AP3D1: variants seen among roughly 807,000 people sequenced by gnomAD.
AP3D1 encodes the protein adaptor related protein complex 3 subunit delta 1.
In AP3D1, 51 loss-of-function variants were observed where a neutral mutation model predicts 147.6. That is an observed-to-expected ratio of 0.35 (90% CI 0.28 to 0.44). The LOEUF (loss-of-function observed/expected upper bound fraction) is 0.44. AP3D1 is among the 20% of genes least tolerant of loss of function. The pLI, the probability that AP3D1 is intolerant of heterozygous loss-of-function variation, is 1.00. For missense variants in AP3D1, 1,421 were observed against 1,624.2 expected (o/e 0.87, Z 2.15); for synonymous variants, 760 against 663.0 (o/e 1.15, Z -2.25).
chr19:2,136,943 G>A (rs2145134903), intron 4 of AP3D1, 68 bp downstream of exon 4: 2 of 1,440,532 alleles, frequency 1.4e-6, no homozygotes, highest in East Asian at 2.5e-5. Flanking sequence ...GACGCGTGTG[G>A]GAACCAGACG....
intron 1 of AP3D1, among the ~76,000 whole-genome samples, chr19:2,143,725 C>G (rs570431802): frequency 6.6e-6 from 1 of 152,054 alleles, no homozygotes; most frequent in East Asian, 1.9e-4. Context: ...CGCGATCGCA[C>G]CACTGCACTC....
intron 11 of AP3D1, 54 bp from the exon 12 acceptor site, chr19:2,121,933 C>G (rs952526492): frequency 1.3e-6 from 2 of 1,548,618 alleles, no homozygotes; most frequent in Non-Finnish European, 8.7e-7. Context: ...CAGCAGGGTG[C>G]AGGCAGGGCC....
intron 8 of AP3D1, among the ~76,000 whole-genome samples, chr19:2,128,633 C>A (rs28427555): frequency 1.5e-4 from 2 of 13,498 alleles, no homozygotes; most frequent in African/African-American, 4.2e-4. Context: ...CCGCCCCCGC[C>A]GCTCCGACAC....
intron 24 of AP3D1, 169 bp from the exon 25 acceptor site, chr19:2,111,997 AC>A: frequency 9.0e-7 from 1 of 1,106,424 alleles, no homozygotes; most frequent in Non-Finnish European, 1.3e-6. Context: ...CTCAGGCCAG[AC>A]CAGGCCCAGC....
At chr19:2,138,043 C>G (rs1430769391) in intron 2 of AP3D1, among the ~76,000 whole-genome samples, 1 of 152,214 alleles carries the variant, frequency 6.6e-6, no homozygotes, top group African/African-American at 2.4e-5. Context: ...GACTCAATGT[C>G]TGCAATTGGT....
chr19:2,111,601 G>C (rs2018278664), intron 25 of AP3D1, 78 bp downstream of exon 25: 15 of 1,474,858 alleles, frequency 1.0e-5, no homozygotes, highest in Non-Finnish European at 1.3e-5. Flanking sequence ...CTCCCGCATG[G>C]AGGCTGCAGG....
rs778467175 is a variant in AP3D1, at chr19:2,108,778, C to T, written c.3473-12G>A. On this transcript the variant is annotated splice_polypyrimidine_tract_variant and intron_variant, in intron 30 of 31. Transcript: ENST00000643116. ...CACTCGCTCCACAACTGCAACAGAG[C>T]GGGCAGTGTTAGGCTTCCCGGACAT... 70 of 1,559,736 alleles carry T rather than the reference C, an allele frequency of 4.5e-5. No individual in the cohort carries two copies. In the African/African-American group the frequency reaches 4.5e-4, roughly 10 times the overall value.
upstream of AP3D1, among the ~76,000 whole-genome samples, chr19:2,154,853 T>C (rs1442346962): frequency 6.6e-6 from 1 of 152,258 alleles, no homozygotes; most frequent in South Asian, 2.1e-4. Context: ...TTTATGATTG[T>C]GAGTCATGTC....
At chr19:2,117,131 T>A in intron 16 of AP3D1, 91 bp downstream of exon 16, 1 of 1,461,190 alleles carries the variant, frequency 6.8e-7, no homozygotes, top group Non-Finnish European at 9.1e-7. Flanking sequence ...CTCCTGGCTG[T>A]TCAGGGGTGC....
chr19:2,114,350 C>G (rs770131200), intron 21 of AP3D1, 48 bp from the exon 22 acceptor site: 24 of 1,500,456 alleles, frequency 1.6e-5, no homozygotes, highest in Non-Finnish European at 1.8e-5. Flanking sequence ...TGGCCACCCC[C>G]CAGGACCACT....
intron 8 of AP3D1, among the ~76,000 whole-genome samples, chr19:2,127,469 C>T (rs980051896): frequency 2.0e-5 from 3 of 151,782 alleles, no homozygotes; most frequent in Non-Finnish European, 4.4e-5. Context: ...CCCCCGGCGG[C>T]CTGTGAGATG....
intron 1 of AP3D1, among the ~76,000 whole-genome samples, chr19:2,156,576 C>A (rs1322620638): frequency 2.6e-5 from 4 of 151,750 alleles, no homozygotes; most frequent in Non-Finnish European, 4.4e-5. Flanking sequence ...CAGGGCAGGG[C>A]GCGGTGGCTC....
intron 14 of AP3D1, among the ~76,000 whole-genome samples, chr19:2,119,962 A>T (rs1046646367): frequency 2.0e-5 from 3 of 152,102 alleles, no homozygotes; most frequent in African/African-American, 7.2e-5. Flanking sequence ...GGGCGAGGGG[A>T]AAAAAAGAAA....
Position 2,109,880 on chromosome 19 carries a change from A to G in AP3D1, c.3343T>C (p.Cys1115Arg). The G allele has an allele frequency of 6.2e-7, 1 of 1,613,306 alleles. No individual in the cohort carries two copies. The highest frequency in any genetic ancestry group is 8.5e-7 in the Non-Finnish European group (1 of 1,179,880). Residue 1115 changes from cysteine (C) to arginine (R), a missense_variant, in exon 29 of 32, where the codon TGC (cysteine) becomes CGC (arginine). This residue lies in a region of AP3D1 where 791 missense variants were observed against 761.4 expected (regional missense o/e 1.04). Coordinates refer to ENST00000643116, the MANE Select transcript of AP3D1 (RefSeq NM_001261826.3). ...AGTGGGCCTGGGCCCCACCTGTAGC[A>G]GGGAGTGGTGATCAAGTAGGAGCTG... The part of the protein sequence containing the change: ...SCSSYLITTP[C>R]YSDAFAKLLE...
chr19:2,157,230 CAGG>C (rs1312395593), intron 1 of AP3D1, among the ~76,000 whole-genome samples: 1 of 151,390 alleles, frequency 6.6e-6, no homozygotes, highest in Admixed American at 6.6e-5. Flanking sequence ...ATCACGAGGT[CAGG>C]AGATCGAGAC....
At chr19:2,144,191 T>C (rs1316319338) in intron 1 of AP3D1, among the ~76,000 whole-genome samples, 2 of 151,466 alleles carry the variant, frequency 1.3e-5, no homozygotes, top group Non-Finnish European at 2.9e-5. Context: ...CTATCCACAA[T>C]CACCATCACT....
Position 2,129,171 on chromosome 19 carries a change from G to T in AP3D1, c.733-8C>A, listed in dbSNP as rs199591887. The T allele has an allele frequency of 6.2e-7, 1 of 1,606,276 alleles. No homozygotes were observed. The highest frequency in any genetic ancestry group is 1.7e-5 in the Admixed American group (1 of 58,282). ...AGGAGTAAGAGCACCGAACTGTGGG[G>T]ACAGCAGGGCCTCGGTCACCCGCAG... On this transcript the variant is annotated splice_polypyrimidine_tract_variant and splice_region_variant and intron_variant, in intron 7 of 31. Coordinates refer to ENST00000643116, the MANE Select transcript of AP3D1 (RefSeq NM_001261826.3).
intron 1 of AP3D1, among the ~76,000 whole-genome samples, chr19:2,149,004 G>A (rs1245144826): frequency 6.6e-6 from 1 of 152,132 alleles, no homozygotes; most frequent in East Asian, 1.9e-4. Flanking sequence ...GGGTGCTGGA[G>A]GTACAACTAG....
chr19:2,134,324 G>T (rs1278346469), intron 4 of AP3D1, among the ~76,000 whole-genome samples: 1 of 152,032 alleles, frequency 6.6e-6, no homozygotes, highest in East Asian at 1.9e-4. Context: ...AGGAGGCTAA[G>T]GTGGGGAGAT....
Sources: gnomAD v4.1 joint callset for allele counts (sites outside exome capture counted in the v4.1 genomes callset) on GRCh38, gnomAD v4.1.1 for gene constraint, gnomAD v4.1.1 regional missense constraint, MANE v1.5 for transcripts, NCBI Gene and HGNC (gene_info 2026-07-23, HGNC 2026-07-21) for gene names.